The following VPS26A variants were observed in gnomAD, a reference collection of about 807,000 sequenced individuals.
The protein encoded by VPS26A is VPS26 retromer complex component A.
In VPS26A, 22 loss-of-function variants were observed where a neutral mutation model predicts 42.4. The observed-to-expected ratio is 0.52, with a 90% confidence interval of 0.37 to 0.74. The LOEUF (loss-of-function observed/expected upper bound fraction) is 0.74. VPS26A is among the 30% of genes least tolerant of loss of function. The pLI, the probability that VPS26A is intolerant of heterozygous loss-of-function variation, is 0.00. For missense variants in VPS26A, 276 were observed against 379.2 expected, an observed-to-expected ratio of 0.73 and a Z score of 2.26; for synonymous variants, 110 against 123.5, an observed-to-expected ratio of 0.89 and a Z score of 0.73.
intron 2 of VPS26A, among the ~76,000 whole-genome samples, chr10:69,142,738 CA>C (rs35356640): frequency 0.16 from 18,643 of 118,668 alleles, 1,797 homozygotes; most frequent in African/African-American, 0.34. Context: ...CCCCACTATT[CA>C]AAAAAAAAAA....
At chr10:69,141,548 T>C (rs976105629) in intron 2 of VPS26A, among the ~76,000 whole-genome samples, 1 of 152,216 alleles carries the variant, frequency 6.6e-6, no homozygotes, top group Non-Finnish European at 1.5e-5. Context: ...AATCATACCA[T>C]GCACTCAGAA....
At chr10:69,133,392 A>C (rs909161403) in intron 2 of VPS26A, 7 of 364,642 alleles carry the variant, frequency 1.9e-5, no homozygotes, top group Non-Finnish European at 3.3e-5. Flanking sequence ...GCTGTAATTC[A>C]CCCAAAGTTT....
At chr10:69,139,822 A>G (rs1841000750) in intron 2 of VPS26A, among the ~76,000 whole-genome samples, 1 of 151,986 alleles carries the variant, frequency 6.6e-6, no homozygotes, top group Non-Finnish European at 1.5e-5. Context: ...CTTTATTTCT[A>G]AAATGATTTT....
intron 1 of VPS26A, among the ~76,000 whole-genome samples, chr10:69,127,535 A>AGAGC (rs1446097304): frequency 1.3e-5 from 2 of 150,970 alleles, no homozygotes; most frequent in African/African-American, 4.9e-5. Context: ...CCTGGGCGAA[A>AGAGC]GAGCGAGACT....
At chr10:69,151,282 A>AAAAAAACAAAAAACAAAAAACACAC (rs71035063) in intron 2 of VPS26A, among the ~76,000 whole-genome samples, 2 of 136,776 alleles carry the variant, frequency 1.5e-5, no homozygotes, top group African/African-American at 6.6e-5. Context: ...AAAAAAAAAA[A>AAAAAAACAAAAAACAAAAAACACAC]ACACACACAC....
chr10:69,137,274 A>G (rs1182739413), intron 2 of VPS26A, among the ~76,000 whole-genome samples: 1 of 152,174 alleles, frequency 6.6e-6, no homozygotes, highest in Non-Finnish European at 1.5e-5. Flanking sequence ...TTAGCAACCT[A>G]AAATAACAAA....
chr10:69,129,468 TA>T (rs1316393265), intron 1 of VPS26A, among the ~76,000 whole-genome samples: 2 of 152,290 alleles, frequency 1.3e-5, no homozygotes, highest in East Asian at 3.9e-4. Flanking sequence ...GTTTTCTGAT[TA>T]AAATTAGTTT....
At chr10:69,135,929 G>T (rs1260374457) in intron 2 of VPS26A, among the ~76,000 whole-genome samples, 1 of 152,170 alleles carries the variant, frequency 6.6e-6, no homozygotes, top group Non-Finnish European at 1.5e-5. Flanking sequence ...AGTAACCAGT[G>T]TACTGACTTT....
intron 2 of VPS26A, among the ~76,000 whole-genome samples, chr10:69,148,434 T>C (rs1841212344): frequency 6.6e-6 from 1 of 152,164 alleles, no homozygotes; most frequent in Non-Finnish European, 1.5e-5. Context: ...CAAGGAATAT[T>C]TTTGTGGCAT....
At chr10:69,127,747 T>C (rs1354900202) in intron 1 of VPS26A, among the ~76,000 whole-genome samples, 1 of 148,016 alleles carries the variant, frequency 6.8e-6, no homozygotes, top group Non-Finnish European at 1.5e-5. Context: ...TTTTTTTTTT[T>C]TTTTGAGACA....
chr10:69,171,083 T>C (rs1292592266), intron 8 of VPS26A, 73 bp from the exon 9 acceptor site: 1 of 1,186,732 alleles, frequency 8.4e-7, no homozygotes, highest in African/African-American at 1.6e-5. Flanking sequence ...TGGTTAAAAT[T>C]GAAGTGGCAA....
rs116139668 is a variant in VPS26A at position 69,168,077 on chromosome 10, A to G, written c.728-412A>G. Among the ~76,000 whole-genome samples, 896 of 152,320 alleles carry G rather than the reference A, an allele frequency of 5.9e-3. 14 individuals are homozygous for G. The highest frequency in any genetic ancestry group is 0.021 in the African/African-American group (859 of 41,572). On this transcript the variant is annotated intron_variant, in intron 7 of 8. Transcript: ENST00000263559. ...ATTTCACAGATGAAGAACTTAAACA[A>G]TGAGTAAGTGATTTTTCCAAGGTCA...
At chr10:69,147,045 T>C (rs1451452362) in intron 2 of VPS26A, among the ~76,000 whole-genome samples, 3 of 152,220 alleles carry the variant, frequency 2.0e-5, no homozygotes, top group Non-Finnish European at 4.4e-5. Context: ...TCCAGCAATA[T>C]ATAAGGGTTT....
chr10:69,165,927 T>G, intron 6 of VPS26A, 115 bp from the exon 7 acceptor site: 1 of 987,820 alleles, frequency 1.0e-6, no homozygotes, highest in Non-Finnish European at 1.5e-6. Flanking sequence ...GCTTGGGTGA[T>G]GGAGCGAGAC....
At chr10:69,146,092 TATTCATTC>T (rs943459037) in intron 2 of VPS26A, among the ~76,000 whole-genome samples, 3 of 152,166 alleles carry the variant, frequency 2.0e-5, no homozygotes, top group Non-Finnish European at 2.9e-5. Flanking sequence ...TTCAATCACT[TATTCATTC>T]ATTCATTCAT....
intron 3 of VPS26A, among the ~76,000 whole-genome samples, chr10:69,156,131 A>G (rs191676417): frequency 3.2e-4 from 48 of 152,234 alleles, no homozygotes; most frequent in Non-Finnish European, 6.3e-4. Context: ...AACTAATTCA[A>G]GTAAATTAGT....
chr10:69,155,145 GAA>G (rs10618581), intron 2 of VPS26A, among the ~76,000 whole-genome samples: 113,111 of 150,776 alleles, frequency 0.75, 44,669 homozygotes, highest in Non-Finnish European at 0.89. Flanking sequence ...GTCCTTTCTG[GAA>G]AAAAAAAAAA....
intron 2 of VPS26A, among the ~76,000 whole-genome samples, chr10:69,152,399 T>G (rs894260897): frequency 6.6e-6 from 1 of 152,224 alleles, no homozygotes; most frequent in Non-Finnish European, 1.5e-5. Flanking sequence ...TCTACCCACA[T>G]CATTAAAAAT....
Position 69,155,891 on chromosome 10 carries a change from A to G in VPS26A, c.229+4A>G. The G allele has an allele frequency of 6.2e-7, 1 of 1,602,384 alleles. No homozygotes were observed. The highest frequency in any genetic ancestry group is 2.2e-5 in the East Asian group (1 of 44,524). ...ATTGAATTTGTAGGTCAAATTGGTG[A>G]GTTTTAAAATAGTATTATTTCTTTT... On this transcript the variant is annotated splice_donor_region_variant and intron_variant, in intron 3 of 8. Coordinates refer to ENST00000263559, the MANE Select transcript of VPS26A (RefSeq NM_004896.5).
Sources: gnomAD v4.1 joint callset for allele counts (sites outside exome capture counted in the v4.1 genomes callset) on GRCh38, gnomAD v4.1.1 for gene constraint, MANE v1.5 for transcripts, NCBI Gene and HGNC (gene_info 2026-07-23, HGNC 2026-07-21) for gene names.